Variants in APOBEC3F observed in about 807,000 individuals in gnomAD.
The protein encoded by APOBEC3F is DNA dC->dU-editing enzyme APOBEC-3F.
A neutral mutation model predicts 45.8 loss-of-function variants in APOBEC3F; 34 were observed. The observed-to-expected ratio is 0.74, with a 90% CI of 0.57 to 0.99. The LOEUF (loss-of-function observed/expected upper bound fraction) is 0.99. Ranked by LOEUF, APOBEC3F falls within the 50% of genes least tolerant of loss-of-function variation. APOBEC3F has a pLI of 0.00. For missense variants in APOBEC3F, 459 were observed against 474.1 expected (o/e 0.97, Z 0.30); for synonymous variants, 192 against 174.4 (o/e 1.10, Z -0.80).
chr22:39,046,441 A>C (rs1479749988), intron 4 of APOBEC3F, among the ~76,000 whole-genome samples: 1 of 151,896 alleles, frequency 6.6e-6, no homozygotes, highest in African/African-American at 2.4e-5. Context: ...CCTGACTCTC[A>C]CAGCCCCTCC....
intron 5 of APOBEC3F, among the ~76,000 whole-genome samples, chr22:39,050,848 G>T (rs1927449952): frequency 6.6e-6 from 1 of 152,194 alleles, no homozygotes; most frequent in Admixed American, 6.5e-5. Context: ...CCAGGCCACA[G>T]CAGGGGCTGA....
rs535519521 is a variant in APOBEC3F, at chr22:39,047,000, G to T, written c.566+1458G>T. On this transcript the variant is annotated intron_variant, in intron 4 of 6. Coordinates refer to ENST00000308521, the MANE Select transcript of APOBEC3F (RefSeq NM_145298.6). Reference sequence around the variant, plus strand: ...TGAGCACCTGGGTCTTAGACCGGAGGAGCAAACTGCAAGACAGGGTGGCCG... The same window carrying T: ...TGAGCACCTGGGTCTTAGACCGGAGTAGCAAACTGCAAGACAGGGTGGCCG... Among the ~76,000 whole-genome samples the T allele has an allele frequency of 3.9e-5, 6 of 152,124 alleles. No homozygotes were observed. In the East Asian group the frequency reaches 1.2e-3, roughly 29 times the overall value.
At chr22:39,043,605 G>A (rs1288593672) in intron 2 of APOBEC3F, among the ~76,000 whole-genome samples, 9 of 150,566 alleles carry the variant, frequency 6.0e-5, no homozygotes, top group East Asian at 4.0e-4. Flanking sequence ...CCACAGCGCC[G>A]GCCTAATTTT....
At chr22:39,044,831 A>G (rs1273042145) in intron 2 of APOBEC3F, 110 bp from the exon 3 acceptor site, 5 of 1,030,044 alleles carry the variant, frequency 4.9e-6, no homozygotes, top group Middle Eastern at 3.2e-4. Context: ...AGGAGCTTCA[A>G]TGGCAAGATC....
chr22:39,051,826 C>T (rs1352353886), intron 5 of APOBEC3F, among the ~76,000 whole-genome samples: 3 of 152,138 alleles, frequency 2.0e-5, no homozygotes, highest in Non-Finnish European at 4.4e-5. Context: ...TGGTGGCACG[C>T]ACCTGCAGTC....
intron 1 of APOBEC3F, among the ~76,000 whole-genome samples, chr22:39,042,089 C>T (rs1424364726): frequency 6.6e-6 from 1 of 152,298 alleles, no homozygotes; most frequent in Non-Finnish European, 1.5e-5. Context: ...CATCTCTCTG[C>T]GCCTCTGGCA....
At chr22:39,052,011 C>T in intron 5 of APOBEC3F, 63 bp from the exon 6 acceptor site, 3 of 1,592,420 alleles carry the variant, frequency 1.9e-6, no homozygotes, top group Non-Finnish European at 2.6e-6. Flanking sequence ...CCCATCGCCC[C>T]ACCCCTGCAC....
Position 39,044,405 on chromosome 22 carries a change from CAG to C in APOBEC3F, c.172-534_172-533del, listed in dbSNP as rs1927095298. 4 of 1,375,478 alleles carry C rather than the reference CAG, an allele frequency of 2.9e-6. 1 individual carries two copies. The Admixed American group carries it at 1.3e-4, about 45-fold the overall frequency. The allele number at this position is 1,375,478 out of a possible 1,614,324, so 85.2% of individuals were successfully genotyped here. ...CTGAGATGGGGACATTTACAATAAACAGAAATGTATGGGCTCGAGTTCTGGCC... is the reference window on the plus strand; with the variant it reads ...CTGAGATGGGGACATTTACAATAAACAAATGTATGGGCTCGAGTTCTGGCC... On this transcript the variant is annotated intron_variant, in intron 2 of 6. Transcript: ENST00000308521.
chr22:39,043,865 C>CA (rs1273972640), intron 2 of APOBEC3F, among the ~76,000 whole-genome samples: 10 of 145,872 alleles, frequency 6.9e-5, no homozygotes, highest in South Asian at 4.3e-4. Context: ...ACTAAAAATA[C>CA]AAAAAAAAAA....
Position 39,049,448 on chromosome 22 carries a change from C to T in APOBEC3F, c.590C>T (p.Pro197Leu), listed in dbSNP as rs1452691498. 6.2e-7 allele frequency: 1 copy of T among 1,614,036 alleles called. No homozygotes were observed. Among genetic ancestry groups the T allele is most frequent in the South Asian group, 1.1e-5 (1 of 91,074 alleles). ...AGAAACCCGATGGAGGCAATGTATC[C>T]ACACATATTCTACTTCCACTTTAAA... ...ILRNPMEAMY[P>L]HIFYFHFKNL... Residue 197 changes from proline (P) to leucine (L), a missense_variant, in exon 5 of 7, where the codon CCA (proline) becomes CTA (leucine). Coordinates refer to ENST00000308521, the MANE Select transcript of APOBEC3F (RefSeq NM_145298.6).
intron 2 of APOBEC3F, among the ~76,000 whole-genome samples, 184 bp downstream of exon 2, chr22:39,043,274 T>C: frequency 6.6e-6 from 1 of 151,324 alleles, no homozygotes; most frequent in Admixed American, 6.6e-5. Context: ...TGGAGGGGGT[T>C]TGCCTTTGCA....
rs147139507 is a variant in APOBEC3F, at chr22:39,043,004, C to G, written c.85C>G (p.Arg29Gly). ...YNFYNRPILS[R>G]RNTVWLCYEV... Reference sequence around the variant, plus strand: ...CTTTTATAATAGACCCATCCTTTCTCGTCGGAATACCGTCTGGCTGTGCTA... The same window carrying G: ...CTTTTATAATAGACCCATCCTTTCTGGTCGGAATACCGTCTGGCTGTGCTA... The change falls in exon 2 of 7, where the codon CGT (arginine) becomes GGT (glycine). Residue 29 changes from arginine to glycine, a missense_variant. Arg to Gly is a moderately radical substitution (Grantham distance 125). Transcript: ENST00000308521. 335 of 1,614,076 alleles carry G rather than the reference C, an allele frequency of 2.1e-4. 1 individual carries two copies. The highest frequency in any genetic ancestry group is 3.3e-4 in the Middle Eastern group (2 of 6,084).
intron 5 of APOBEC3F, among the ~76,000 whole-genome samples, chr22:39,050,598 C>G (rs1181040790): frequency 6.6e-6 from 1 of 151,472 alleles, no homozygotes; most frequent in Non-Finnish European, 1.5e-5. Flanking sequence ...TCAATTATCT[C>G]ACATAGGATT....
intron 4 of APOBEC3F, 124 bp from the exon 5 acceptor site, chr22:39,049,301 A>T: frequency 8.3e-7 from 1 of 1,205,832 alleles, no homozygotes; most frequent in Non-Finnish European, 1.2e-6. Flanking sequence ...TCTCTCTCCC[A>T]GTCTTTCTGC....
chr22:39,047,526 C>T (rs1927281447), intron 4 of APOBEC3F, among the ~76,000 whole-genome samples: 1 of 152,204 alleles, frequency 6.6e-6, no homozygotes. Context: ...ACTGCCCGCT[C>T]TGCCCACGGG....
Position 39,052,174 on chromosome 22 carries a change from C to T in APOBEC3F, c.824C>T (p.Thr275Ile). ...ACAAACTACGAGGTCACCTGGTACA[C>T]ATCTTGGAGCCCTTGCCCAGAGTGT... ...PNTNYEVTWY[T>I]SWSPCPECAG... The change falls in exon 6 of 7, where the codon ACA becomes ATA. Residue 275 changes from threonine to isoleucine, a missense_variant. Transcript: ENST00000308521. The T allele has an allele frequency of 1.2e-6, 2 of 1,614,172 alleles. No homozygotes were observed. The highest frequency in any genetic ancestry group is 2.7e-5 in the African/African-American group (2 of 75,050).
Position 39,052,684 on chromosome 22 carries a change from A to G in APOBEC3F, c.1111A>G (p.Ile371Val), listed in dbSNP as rs913724207. 3.1e-6 allele frequency: 5 copies of G among 1,613,218 alleles called. No homozygotes were observed. Among genetic ancestry groups the G allele is most frequent in the Middle Eastern group, 1.7e-4 (1 of 6,060 alleles). The part of the protein sequence containing the change: ...FLFLDSKLQE[I>V]LE The stretch of plus-strand genomic sequence containing the variant: ...ATTCCTGGACAGCAAGCTGCAGGAG[A>G]TTCTCGAGTGAGGGGTCTCCCCGGG... Residue 371 changes from isoleucine to valine, a missense_variant, in exon 7 of 7, where the codon ATT (isoleucine) becomes GTT (valine). By Grantham distance (29) the Ile-to-Val change is conservative (BLOSUM62 3). Coordinates refer to ENST00000308521, the MANE Select transcript of APOBEC3F (RefSeq NM_145298.6).
At chr22:39,049,058 A>C (rs139192422) in intron 4 of APOBEC3F, among the ~76,000 whole-genome samples, 1 of 152,326 alleles carries the variant, frequency 6.6e-6, no homozygotes, top group East Asian at 1.9e-4. Flanking sequence ...CAACGTAAAA[A>C]GAATCATCAT....
chr22:39,047,270 G>C (rs1927270236), intron 4 of APOBEC3F, among the ~76,000 whole-genome samples: 1 of 152,100 alleles, frequency 6.6e-6, no homozygotes, highest in Admixed American at 6.5e-5. Context: ...CTACCGGGTG[G>C]GGGGCGTCCC....
Sources: gnomAD v4.1 joint callset for allele counts (sites outside exome capture counted in the v4.1 genomes callset) on GRCh38, gnomAD v4.1.1 for gene constraint, MANE v1.5 for transcripts, NCBI Gene and HGNC (gene_info 2026-07-23, HGNC 2026-07-21) for gene names.